The following POU6F1 variants were observed in gnomAD, a reference collection of about 807,000 sequenced individuals.
The protein encoded by POU6F1 is POU domain, class 6, transcription factor 1.
POU6F1 carries 9 observed loss-of-function variants against 28.9 expected under a neutral mutation model. That is an observed-to-expected ratio of 0.31 (90% CI 0.19 to 0.54). The LOEUF is 0.54. Among genes scored for constraint, POU6F1 ranks in the 20% least tolerant of loss-of-function variants. The probability of loss-of-function intolerance (pLI) is 0.94; values close to 1 mark genes in which losing one functional copy is unlikely to be tolerated. For missense variants in POU6F1, 338 were observed against 426.1 expected, an observed-to-expected ratio of 0.79 and a Z score of 1.82; for synonymous variants, 173 against 171.1, an observed-to-expected ratio of 1.01 and a Z score of -0.09.
At chr12:51,203,563 T>C (rs978039068) in intron 3 of POU6F1, among the ~76,000 whole-genome samples, 3 of 152,176 alleles carry the variant, frequency 2.0e-5, no homozygotes, top group African/African-American at 7.2e-5. Flanking sequence ...GATGTGAAGG[T>C]AGAGCAAGTA....
chr12:51,204,456 G>T (rs1943439922), intron 2 of POU6F1, 88 bp from the exon 3 acceptor site: 1 of 398,144 alleles, frequency 2.5e-6, no homozygotes, highest in Non-Finnish European at 4.4e-6. Flanking sequence ...GGGAGAGAGG[G>T]GAGGGCACCT....
At chr12:51,207,898 G>T (rs1191317925) in intron 1 of POU6F1, among the ~76,000 whole-genome samples, 4 of 152,182 alleles carry the variant, frequency 2.6e-5, no homozygotes, top group Non-Finnish European at 5.9e-5. Flanking sequence ...GGAACAGCCT[G>T]CCCTGTGCAG....
chr12:51,210,848 T>G (rs1943942286), intron 1 of POU6F1, among the ~76,000 whole-genome samples: 1 of 152,188 alleles, frequency 6.6e-6, no homozygotes, highest in Non-Finnish European at 1.5e-5. Flanking sequence ...GACTCCCTTG[T>G]CTGTCTCTGT....
chr12:51,206,410 GAGA>G (rs1943621342), intron 2 of POU6F1, among the ~76,000 whole-genome samples: 1 of 149,102 alleles, frequency 6.7e-6, no homozygotes, highest in Non-Finnish European at 1.5e-5. Flanking sequence ...GTGACAGAGT[GAGA>G]CTCCATCTCA....
intron 9 of POU6F1, among the ~76,000 whole-genome samples, chr12:51,191,983 T>C (rs1942447187): frequency 1.3e-5 from 2 of 152,228 alleles, no homozygotes; most frequent in Admixed American, 6.5e-5. Flanking sequence ...TTTCAAGTTC[T>C]TCCAGCTCTA....
chr12:51,192,318 G>T lies in POU6F1; in HGVS notation c.1321+12C>A, dbSNP rs529041166. The T allele has an allele frequency of 1.2e-6, 2 of 1,613,650 alleles. No homozygotes were observed. Among genetic ancestry groups the T allele is most frequent in the African/African-American group, 2.7e-5 (2 of 75,062 alleles). On this transcript the variant is annotated intron_variant, in intron 9 of 10. Transcript: ENST00000333640. ...CCCACTTCTCCACACTACTTCTCCA[G>T]GAGCCACTTACTGGACACCAACTGG...
Position 51,196,858 on chromosome 12 carries a change from T to C in POU6F1, c.916A>G (p.Ser306Gly), listed in dbSNP as rs777091576. ...ATCCCTGGCATGCTGGGAATGGCGC[T>C]GGTAATGACTGGAGCTGTAGTGAGG... is the stretch of plus-strand genomic sequence containing the variant. Reference protein sequence around the residue: ...GSLTTAPVITSAIPSMPGISS... With the variant: ...GSLTTAPVITGAIPSMPGISS... The change falls in exon 7 of 11, where the codon AGC becomes GGC. Residue 306 changes from serine to glycine, a missense_variant. Physicochemically the swap from Ser to Gly is moderately conservative, Grantham distance 56. Around this residue, in one of 3 missense-constraint regions of POU6F1, gnomAD observed 206 missense variants for 225.6 expected, o/e 0.91. Transcript: ENST00000333640. 6.2e-7 allele frequency: 1 copy of C among 1,614,042 alleles called. No homozygotes were observed. Among genetic ancestry groups the C allele is most frequent in the East Asian group, 2.2e-5 (1 of 44,880 alleles).
At chr12:51,206,008 A>C (rs6580807) in intron 2 of POU6F1, among the ~76,000 whole-genome samples, 1 of 148,042 alleles carries the variant, frequency 6.8e-6, no homozygotes, top group South Asian at 2.1e-4. Flanking sequence ...TTGTAGAGAC[A>C]GGGTTTCACC....
At position 51,198,867 on chromosome 12, in the gene POU6F1, CACAA is replaced by C. The variant is rs763582799; in HGVS notation, c.367-96_367-93del. 6.5e-5 allele frequency: 26 copies of C among 397,600 alleles called. No individual in the cohort carries two copies. In the South Asian group the frequency reaches 1.1e-3, roughly 17 times the overall value. 24.6% of individuals were successfully genotyped at this position (397,600 alleles called of 1,614,324 possible). On this transcript the variant is annotated intron_variant, in intron 4 of 10. Transcript: ENST00000333640. ...ACTGGGTCTCTGAGACCCAGCTGAG[CACAA>C]ACAAAGCATTCTGAGGGCGATGGGC...
intron 8 of POU6F1, among the ~76,000 whole-genome samples, chr12:51,193,446 C>T (rs1412624958): frequency 2.0e-5 from 3 of 152,130 alleles, no homozygotes; most frequent in Non-Finnish European, 4.4e-5. Context: ...CGTGGTGGCA[C>T]GCACCTATAA....
rs199706351 is a variant in POU6F1, at chr12:51,190,297, G to A, written c.1786C>T (p.Arg596Cys). The change falls in exon 11 of 11, where the codon CGC becomes TGC. Residue 596 changes from arginine (R) to cysteine (C), a missense_variant. Arg to Cys is a radical substitution (Grantham distance 180, BLOSUM62 -3). Around this residue, in one of 3 missense-constraint regions of POU6F1, gnomAD observed 126 missense variants for 176.5 expected, o/e 0.71. Coordinates refer to ENST00000333640, the MANE Select transcript of POU6F1 (RefSeq NM_001330422.2). The surrounding 1 kb of genome is among the most constrained non-coding windows in gnomAD (Gnocchi z 4.5). ...TTGCTGGTGTTCTTGAGCGTCTGGC[G>A]CCGATTGCAGAACCAGACCCGCACT... ...EVVRVWFCNR[R>C]QTLKNTSKLN... 8.7e-6 allele frequency: 14 copies of A among 1,614,178 alleles called. No homozygotes were observed. The highest frequency in any genetic ancestry group is 3.4e-6 in the Non-Finnish European group (4 of 1,180,016).
At chr12:51,192,537 G>A in intron 8 of POU6F1, 66 bp from the exon 9 acceptor site, 1 of 1,574,174 alleles carries the variant, frequency 6.4e-7, no homozygotes, top group South Asian at 1.2e-5. Context: ...AAATCCCTGG[G>A]TGGACCAGAG....
intron 10 of POU6F1, among the ~76,000 whole-genome samples, chr12:51,191,069 G>C (rs1942374006): frequency 6.6e-6 from 1 of 152,192 alleles, no homozygotes; most frequent in Non-Finnish European, 1.5e-5. Context: ...TATGGAGCTG[G>C]CAGGCAGATG....
Position 51,188,587 on chromosome 12 carries a change from G to C in POU6F1, c.*1660C>G, listed in dbSNP as rs930565256. The C allele has an allele frequency of 6.6e-6, 1 of 152,466 alleles. No homozygotes were observed. Among genetic ancestry groups the C allele is most frequent in the Admixed American group, 6.5e-5 (1 of 15,314 alleles). 9.4% of individuals were successfully genotyped at this position (152,466 alleles called of 1,614,324 possible). On this transcript the variant is annotated 3_prime_UTR_variant, in exon 11 of 11. Transcript: ENST00000333640. Reference sequence around the variant, plus strand: ...TACTGGCCAGGCTACCAAGAGGGTGGCCACGCTGGCACTGCAGGGCCTGGG... The same window carrying C: ...TACTGGCCAGGCTACCAAGAGGGTGCCCACGCTGGCACTGCAGGGCCTGGG...
chr12:51,215,407 T>A (rs1944232464), intron 1 of POU6F1, among the ~76,000 whole-genome samples: 1 of 151,458 alleles, frequency 6.6e-6, no homozygotes, highest in Non-Finnish European at 1.5e-5. Flanking sequence ...ATACAAAAAT[T>A]AGCCAGGCAT....
chr12:51,205,035 T>C (rs1333992163), intron 2 of POU6F1, among the ~76,000 whole-genome samples: 1 of 80,144 alleles, frequency 1.2e-5, no homozygotes, highest in Non-Finnish European at 2.8e-5. Context: ...GGACTGCAGC[T>C]TTTTTTTTTT....
At position 51,196,105 on chromosome 12, in the gene POU6F1, C is replaced by T; in HGVS notation, c.1044G>A (p.Leu348=). 6.3e-7 allele frequency: 1 copy of T among 1,596,104 alleles called. No individual in the cohort carries two copies. Reference sequence around the variant, plus strand: ...GCTGGGGGGTCACGGCCTGGACCTGCAGGCTTTGGGCTGGTGCTGGGGCCG... The same window carrying T: ...GCTGGGGGGTCACGGCCTGGACCTGTAGGCTTTGGGCTGGTGCTGGGGCCG... ...SVAAPAPAQS[L]QVQAVTPQLL... is the part of the protein sequence containing the mutation. Residue 348 remains leucine, a synonymous_variant, in exon 8 of 11, where the codon CTG becomes CTA. Coordinates refer to ENST00000333640, the MANE Select transcript of POU6F1 (RefSeq NM_001330422.2).
rs1329416623 is a variant in POU6F1, at chr12:51,189,129, G to A, written c.*1118C>T. On this transcript the variant is annotated 3_prime_UTR_variant, in exon 11 of 11. Coordinates refer to ENST00000333640, the MANE Select transcript of POU6F1 (RefSeq NM_001330422.2). ...ATGAGATTTCTCCTCCCGTATCCAA[G>A]GCTTAAAGTTACAAAGAAAATTAGA... is the stretch of plus-strand genomic sequence containing the variant. 1 of 152,114 alleles carries A rather than the reference G, an allele frequency of 6.6e-6. No homozygotes were observed. Among genetic ancestry groups the A allele is most frequent in the Non-Finnish European group, 1.5e-5 (1 of 68,026 alleles). The allele number at this position is 152,114 out of a possible 1,614,324, so 9.4% of individuals were successfully genotyped here. A position where few individuals can be genotyped will look rare whatever the true frequency, so the allele number is the denominator to read the frequency against.
intron 7 of POU6F1, 40 bp downstream of exon 7, chr12:51,196,759 C>A: frequency 6.2e-7 from 1 of 1,611,824 alleles, no homozygotes; most frequent in Non-Finnish European, 8.5e-7. Flanking sequence ...GCCAGCCTCT[C>A]CACAGTCCCC....
Sources: gnomAD v4.1 joint callset for allele counts (sites outside exome capture counted in the v4.1 genomes callset) on GRCh38, gnomAD v4.1.1 for gene constraint, gnomAD v4.1.1 regional missense constraint, Gnocchi (gnomAD v3.1) non-coding constraint, MANE v1.5 for transcripts, NCBI Gene and HGNC (gene_info 2026-07-23, HGNC 2026-07-21) for gene names.